The following IL34 variants were observed in gnomAD, a reference collection of about 807,000 sequenced individuals.
IL34 encodes interleukin 34, also known as interleukin-34.
A neutral mutation model predicts 25.3 loss-of-function variants in IL34; 17 were observed. The observed-to-expected ratio is 0.67, with a 90% CI of 0.46 to 1.01. The LOEUF is 1.01. IL34 is among the 50% of genes least tolerant of loss of function. The pLI, the probability that IL34 is intolerant of heterozygous loss-of-function variation, is 0.00. For synonymous variants in IL34, 174 were observed against 140.9 expected (o/e 1.23, Z -1.66); for missense variants, 368 against 312.9 (o/e 1.18, Z -1.33).
In IL34 at chr16:70,654,648, T is replaced by C. The variant is rs2052167701; in HGVS notation, c.139T>C (p.Tyr47His). The stretch of plus-strand genomic sequence containing the variant: ...GGGTTTTCTGCGGGACAAGCTGCAG[T>C]ACAGGAGCCGACTTCAGTACATGGT... The part of the protein sequence containing the change: ...VTGFLRDKLQ[Y>H]RSRLQYMKHY... The change falls in exon 2 of 6, where the codon TAC becomes CAC. Residue 47 changes from tyrosine to histidine, a missense_variant. Physicochemically the swap from Tyr to His is moderately conservative, Grantham distance 83 (BLOSUM62 2). Transcript: ENST00000288098. The C allele has an allele frequency of 6.2e-7, 1 of 1,611,346 alleles. No individual in the cohort carries two copies. Among genetic ancestry groups the C allele is most frequent in the Non-Finnish European group, 8.5e-7 (1 of 1,177,980 alleles).
intron 1 of IL34, among the ~76,000 whole-genome samples, chr16:70,635,312 G>C (rs944252074): frequency 6.6e-6 from 1 of 152,230 alleles, no homozygotes. Context: ...CCTCTGCAGA[G>C]GTTTCCATCA....
upstream of IL34, among the ~76,000 whole-genome samples, chr16:70,642,755 C>T (rs1212439349): frequency 2.0e-5 from 3 of 152,120 alleles, no homozygotes; most frequent in Non-Finnish European, 4.4e-5. Flanking sequence ...ACATTCAGTT[C>T]ATAACATGCT....
chr16:70,587,720 A>G lies in IL34; in HGVS notation c.-401+7671A>G, dbSNP rs1193187753. 2.0e-5 allele frequency among the ~76,000 whole-genome samples: 3 copies of G among 151,398 alleles called. 1 individual carries two copies. The highest frequency in any genetic ancestry group is 7.3e-5 in the African/African-American group (3 of 41,176). On this transcript the variant is annotated intron_variant, in intron 1 of 6. Coordinates refer to the IL34 transcript ENST00000429149. Reference sequence around the variant, plus strand: ...AATACACTACCCCACACCCTTCAGGATGGCTGCTATCAAAAAAAAAAAGAA... The same window carrying G: ...AATACACTACCCCACACCCTTCAGGGTGGCTGCTATCAAAAAAAAAAAGAA...
At chr16:70,625,820 G>A (rs557988794) in intron 1 of IL34, among the ~76,000 whole-genome samples, 2 of 152,192 alleles carry the variant, frequency 1.3e-5, no homozygotes, top group Non-Finnish European at 2.9e-5. Context: ...AAGAGGTTGA[G>A]GGATAGTGAG....
chr16:70,623,532 G>A (rs937358278), intron 1 of IL34, among the ~76,000 whole-genome samples: 3 of 152,042 alleles, frequency 2.0e-5, no homozygotes, highest in Admixed American at 1.3e-4. Flanking sequence ...GCTGTGGGAT[G>A]GGATATTGGC....
chr16:70,643,489 G>A (rs1365009806), upstream of IL34, among the ~76,000 whole-genome samples: 5 of 152,190 alleles, frequency 3.3e-5, no homozygotes, highest in African/African-American at 1.2e-4. Flanking sequence ...TCCCATCTCA[G>A]CCTCCCAAGT....
intron 1 of IL34, among the ~76,000 whole-genome samples, chr16:70,603,198 TTAGA>T (rs2050944625): frequency 6.6e-6 from 1 of 152,172 alleles, no homozygotes; most frequent in East Asian, 1.9e-4. Flanking sequence ...AGATGGAAGA[TTAGA>T]TAGTTTGGAG....
At chr16:70,584,674 G>C (rs1428628360) in intron 1 of IL34, among the ~76,000 whole-genome samples, 1 of 151,764 alleles carries the variant, frequency 6.6e-6, no homozygotes, top group East Asian at 1.9e-4. Flanking sequence ...GCACTTTGCT[G>C]TTTCCTTGTC....
chr16:70,660,133 C>A lies in IL34; in HGVS notation c.675C>A (p.His225Gln). Residue 225 changes from histidine (H) to glutamine (Q), a missense_variant, in exon 6 of 6, where the codon CAC (histidine) becomes CAA (glutamine). By Grantham distance (24) the His-to-Gln change is conservative. Transcript: ENST00000288098. ...CGTGGTCCCCCAGCTCCCCGCCTCA[C>A]TCCACGGGCTCGGTGAGGCCGGTCA... The part of the protein sequence containing the change: ...PPPWSPSSPP[H>Q]STGSVRPVRA... The A allele has an allele frequency of 1.2e-6, 2 of 1,611,436 alleles. No individual in the cohort carries two copies. Among genetic ancestry groups the A allele is most frequent in the Non-Finnish European group, 1.7e-6 (2 of 1,179,128 alleles).
intron 1 of IL34, among the ~76,000 whole-genome samples, chr16:70,605,837 A>G (rs1597742576): frequency 6.6e-6 from 1 of 151,638 alleles, no homozygotes; most frequent in South Asian, 2.1e-4. Context: ...CGCCCACCTA[A>G]TTTTTTGTGT....
intron 1 of IL34, among the ~76,000 whole-genome samples, chr16:70,587,896 G>A (rs2050713217): frequency 6.6e-6 from 1 of 151,922 alleles, no homozygotes; most frequent in Non-Finnish European, 1.5e-5. Context: ...AAAATTAGCG[G>A]GCTGTGGTGG....
At chr16:70,649,728 A>C (rs2035639166) in intron 1 of IL34, among the ~76,000 whole-genome samples, 1 of 152,208 alleles carries the variant, frequency 6.6e-6, no homozygotes, top group Non-Finnish European at 1.5e-5. Context: ...GGGAACCAGG[A>C]AGGGAGTACC....
chr16:70,651,396 C>T (rs2052075138), intron 1 of IL34, among the ~76,000 whole-genome samples: 1 of 152,122 alleles, frequency 6.6e-6, no homozygotes. Context: ...TCTTCTCACC[C>T]AATACTGTAT....
intron 1 of IL34, among the ~76,000 whole-genome samples, chr16:70,582,433 A>G (rs2050646020): frequency 6.6e-6 from 1 of 152,264 alleles, no homozygotes; most frequent in East Asian, 1.9e-4. Flanking sequence ...GGCTCAGCAG[A>G]AGGAGCGTAG....
chr16:70,648,552 TAAAAA>T (rs56164163), intron 1 of IL34, among the ~76,000 whole-genome samples: 22 of 73,318 alleles, frequency 3.0e-4, no homozygotes, highest in African/African-American at 7.4e-4. Context: ...ACCCTGTCTT[TAAAAA>T]AAAAAAAAAA....
At chr16:70,640,666 T>C (rs2051760592) in intron 1 of IL34, among the ~76,000 whole-genome samples, 1 of 152,032 alleles carries the variant, frequency 6.6e-6, no homozygotes, top group Non-Finnish European at 1.5e-5. Flanking sequence ...TATATATATT[T>C]CAATCAATTA....
At chr16:70,642,546 TTGGGC>T (rs1874377929), upstream of IL34, among the ~76,000 whole-genome samples, 1 of 152,128 alleles carries the variant, frequency 6.6e-6, no homozygotes, top group South Asian at 2.1e-4. Flanking sequence ...TCCTCCCGCC[TTGGGC>T]TCCCAAAGTG....
upstream of IL34, among the ~76,000 whole-genome samples, chr16:70,643,671 A>C (rs545417975): frequency 1.3e-5 from 2 of 152,380 alleles, no homozygotes; most frequent in South Asian, 4.1e-4. Flanking sequence ...CATCACACGC[A>C]GCCTGTACAC....
intron 1 of IL34, among the ~76,000 whole-genome samples, chr16:70,589,865 C>T (rs186908688): frequency 6.6e-6 from 1 of 152,130 alleles, no homozygotes; most frequent in Admixed American, 6.6e-5. Context: ...TCAAATGATC[C>T]GCCTGCCTCG....
Sources: allele counts gnomAD v4.1 joint callset (sites outside exome capture counted in the v4.1 genomes callset), GRCh38; gene constraint gnomAD v4.1.1; transcripts MANE v1.5; gene names NCBI Gene and HGNC (gene_info 2026-07-23, HGNC 2026-07-21).